BAZ2B: variants seen among roughly 807,000 people sequenced by gnomAD.
BAZ2B encodes the protein bromodomain adjacent to zinc finger domain 2B.
A neutral mutation model predicts 246.0 loss-of-function variants in BAZ2B; 91 were observed. The ratio of observed to expected loss-of-function variants is 0.37; its 90% CI spans 0.31 to 0.44. The LOEUF (loss-of-function observed/expected upper bound fraction) is 0.44. BAZ2B is among the 20% of genes least tolerant of loss of function. The probability of loss-of-function intolerance (pLI) is 1.00; values close to 1 mark genes in which losing one functional copy is unlikely to be tolerated. For synonymous variants in BAZ2B, 855 were observed against 860.0 expected (o/e 0.99, Z 0.10); for missense variants, 2,332 against 2,533.7 (o/e 0.92, Z 1.71).
chr2:159,606,182 C>T (rs1003022767), intron 1 of BAZ2B, among the ~76,000 whole-genome samples: 6 of 152,184 alleles, frequency 3.9e-5, no homozygotes, highest in African/African-American at 1.4e-4. Context: ...CATAACAATG[C>T]TCCACTCTGA....
chr2:159,562,814 T>A (rs1227944346), intron 1 of BAZ2B, among the ~76,000 whole-genome samples: 1 of 152,080 alleles, frequency 6.6e-6, no homozygotes, highest in Non-Finnish European at 1.5e-5. Context: ...AAAATTAGAG[T>A]CCATTTTGGT....
At chr2:159,480,459 G>A (rs2079107521) in intron 2 of BAZ2B, among the ~76,000 whole-genome samples, 1 of 152,014 alleles carries the variant, frequency 6.6e-6, no homozygotes, top group African/African-American at 2.4e-5. Context: ...CTAAAGTAAG[G>A]AAAATCAAGA....
Position 159,320,101 on chromosome 2 carries a change from G to A in BAZ2B, c.*164C>T. ...CGAGGGCCTTGGTTGTTGTAGGAAT[G>A]AAGCCTTTAAAAATGGTATCATTCT... On this transcript the variant is annotated 3_prime_UTR_variant, in exon 37 of 37. Coordinates refer to ENST00000392783, the MANE Select transcript of BAZ2B (RefSeq NM_013450.4). 4 of 608,002 alleles carry A rather than the reference G, an allele frequency of 6.6e-6. No individual in the cohort carries two copies. Among genetic ancestry groups the A allele is most frequent in the Non-Finnish European group, 1.0e-5 (4 of 399,968 alleles). 37.7% of individuals were successfully genotyped at this position (608,002 alleles called of 1,614,324 possible).
the BAZ2B span, among the ~76,000 whole-genome samples, chr2:159,624,463 G>A: frequency 7.9e-5 from 12 of 152,314 alleles, no homozygotes; most frequent in African/African-American, 2.6e-4. Context: ...CCTCTGGCAG[G>A]TGCCCCTCTG....
At chr2:159,545,987 G>A (rs2087282790) in intron 2 of BAZ2B, among the ~76,000 whole-genome samples, 1 of 152,070 alleles carries the variant, frequency 6.6e-6, no homozygotes, top group South Asian at 2.1e-4. Context: ...TTCCAAATAT[G>A]CACATAAAAG....
At chr2:159,374,038 C>G (rs2061137474) in intron 26 of BAZ2B, among the ~76,000 whole-genome samples, 2 of 149,998 alleles carry the variant, frequency 1.3e-5, no homozygotes, top group African/African-American at 4.9e-5. Flanking sequence ...TTAAATTTCA[C>G]TAATGCTATG....
downstream of BAZ2B, among the ~76,000 whole-genome samples, chr2:159,315,611 G>A (rs1354810141): frequency 6.6e-6 from 1 of 152,182 alleles, no homozygotes; most frequent in Non-Finnish European, 1.5e-5. Context: ...AAGAGAACAA[G>A]GCGGAAGCAG....
rs111463163 is a variant in BAZ2B, at chr2:159,450,620, T to G, written c.335-2211A>C. 4.6e-3 allele frequency among the ~76,000 whole-genome samples: 699 copies of G among 152,274 alleles called. 8 individuals carry two copies. The highest frequency in any genetic ancestry group is 0.016 in the African/African-American group (667 of 41,562). On this transcript the variant is annotated intron_variant, in intron 4 of 36. Transcript: ENST00000392783. The stretch of plus-strand genomic sequence containing the variant: ...CTAAATTTAGGAAAATAAACAAAAT[T>G]TAGTCACAAACCAGCTTGTTGACAA...
chr2:159,448,604 A>T (rs948065962), intron 4 of BAZ2B, among the ~76,000 whole-genome samples, 195 bp from the exon 5 acceptor site: 1 of 152,198 alleles, frequency 6.6e-6, no homozygotes, highest in Non-Finnish European at 1.5e-5. Context: ...TCATTAGGTC[A>T]GTATCTAAGG....
intron 3 of BAZ2B, among the ~76,000 whole-genome samples, chr2:159,455,940 T>A (rs900637831): frequency 2.0e-5 from 3 of 151,988 alleles, no homozygotes; most frequent in African/African-American, 7.2e-5. Flanking sequence ...AATGTTTTAT[T>A]TATAAACATA....
At chr2:159,580,924 G>T (rs962928307) in intron 1 of BAZ2B, among the ~76,000 whole-genome samples, 3 of 152,140 alleles carry the variant, frequency 2.0e-5, no homozygotes, top group Admixed American at 6.6e-5. Flanking sequence ...ATTCAAGATG[G>T]ATTAAAGACT....
chr2:159,321,861 T>C (rs1000200172), intron 36 of BAZ2B: 1 of 152,200 alleles, frequency 6.6e-6, no homozygotes, highest in African/African-American at 2.4e-5. Flanking sequence ...TAGTCAATCA[T>C]AGTTTAATTG....
the BAZ2B span, among the ~76,000 whole-genome samples, chr2:159,655,051 T>C: frequency 6.6e-6 from 1 of 152,252 alleles, no homozygotes; most frequent in Admixed American, 6.5e-5. Context: ...TAAAATAAAA[T>C]GATAACATGA....
intron 36 of BAZ2B, among the ~76,000 whole-genome samples, chr2:159,321,142 G>C (rs2062667074): frequency 6.6e-6 from 1 of 152,218 alleles, no homozygotes; most frequent in South Asian, 2.1e-4. Flanking sequence ...AAAGGTGAAT[G>C]AATCTGCATA....
chr2:159,442,490 C>T (rs912661463), intron 6 of BAZ2B, among the ~76,000 whole-genome samples: 3 of 152,110 alleles, frequency 2.0e-5, no homozygotes, highest in African/African-American at 7.2e-5. Flanking sequence ...GTATACTTCC[C>T]CCTCATTTTT....
At position 159,337,319 on chromosome 2, in the gene BAZ2B, A is replaced by G; in HGVS notation, c.5661-242T>C. 8.8e-6 allele frequency: 10 copies of G among 1,134,876 alleles called. 1 individual carries two copies. The highest frequency in any genetic ancestry group is 1.2e-5 in the Non-Finnish European group (10 of 825,744). 70.3% of individuals were successfully genotyped at this position (1,134,876 alleles called of 1,614,324 possible). A position where few individuals can be genotyped will look rare whatever the true frequency, so the allele number is the denominator to read the frequency against. ...TTATCAACGCACATAACAAAAAAAA[A>G]GTTTTTACAAAGCACCATGCAAATA... On this transcript the variant is annotated intron_variant, in intron 32 of 36. Coordinates refer to ENST00000392783, the MANE Select transcript of BAZ2B (RefSeq NM_013450.4).
At chr2:159,611,967 C>T (rs1694801495) in intron 1 of BAZ2B, among the ~76,000 whole-genome samples, 1 of 151,768 alleles carries the variant, frequency 6.6e-6, no homozygotes, top group South Asian at 2.1e-4. Context: ...TGGGATGACA[C>T]CATTTTAGTA....
intron 2 of BAZ2B, among the ~76,000 whole-genome samples, chr2:159,544,764 G>C (rs780988166): frequency 2.0e-5 from 3 of 152,162 alleles, no homozygotes; most frequent in Non-Finnish European, 2.9e-5. Context: ...GTGGCACTTC[G>C]AGAAAAGGAA....
At chr2:159,424,989 C>T (rs2069521244) in intron 13 of BAZ2B, among the ~76,000 whole-genome samples, 1 of 152,096 alleles carries the variant, frequency 6.6e-6, no homozygotes, top group Non-Finnish European at 1.5e-5. Context: ...GCTGACTGTA[C>T]TAATGAATCC....
Sources: gnomAD v4.1 joint callset for allele counts (sites outside exome capture counted in the v4.1 genomes callset) on GRCh38, gnomAD v4.1.1 for gene constraint, MANE v1.5 for transcripts, NCBI Gene and HGNC (gene_info 2026-07-23, HGNC 2026-07-21) for gene names.